Variants in SUSD6 observed in about 807,000 individuals in gnomAD.
The protein encoded by SUSD6 is sushi domain containing 6, also known as sushi domain-containing protein 6.
SUSD6 carries 16 observed loss-of-function variants against 28.4 expected under a neutral mutation model. That is an observed-to-expected ratio of 0.56 (90% CI 0.38 to 0.86). SUSD6 has a LOEUF of 0.86. Among genes scored for constraint, SUSD6 ranks in the 40% least tolerant of loss-of-function variants. SUSD6 has a pLI of 0.00. For synonymous variants in SUSD6, 147 were observed against 159.6 expected (o/e 0.92, Z 0.59); for missense variants, 341 against 384.2 (o/e 0.89, Z 0.94).
chr14:69,670,607 G>C, intron 2 of SUSD6: 3 of 439,448 alleles, frequency 6.8e-6, no homozygotes, highest in South Asian at 4.7e-5. Context: ...AGTTCTGCCA[G>C]TAGTGTGTAA....
intron 2 of SUSD6, among the ~76,000 whole-genome samples, chr14:69,678,024 G>A (rs1489341394): frequency 3.3e-5 from 5 of 152,112 alleles, no homozygotes; most frequent in Non-Finnish European, 7.3e-5. Context: ...CTAAGTTGAT[G>A]TGCATCATTC....
chr14:69,616,319 C>T (rs1001373762), intron 1 of SUSD6, among the ~76,000 whole-genome samples: 1 of 152,232 alleles, frequency 6.6e-6, no homozygotes. Flanking sequence ...GTCCAACCTA[C>T]TGCCAGCAGT....
intron 4 of SUSD6, among the ~76,000 whole-genome samples, chr14:69,705,282 C>T (rs111958890): frequency 0.01 from 1,519 of 151,344 alleles, 10 homozygotes; most frequent in African/African-American, 0.018. Flanking sequence ...CACACCACTG[C>T]GCTCCAGTCT....
rs74060219 is a variant in SUSD6, at chr14:69,615,262, C to T, written c.-81+3434C>T. 7.4e-3 allele frequency among the ~76,000 whole-genome samples: 1,133 copies of T among 152,282 alleles called. 18 individuals carry two copies. Among genetic ancestry groups the T allele is most frequent in the African/African-American group, 0.026 (1,072 of 41,534 alleles). ...CACGAGCTCCATAGTACTCAGGAAC[C>T]TTTGGGTGGACTGTCCTTGCGCGTC... On this transcript the variant is annotated intron_variant, in intron 1 of 5. Coordinates refer to ENST00000342745, the MANE Select transcript of SUSD6 (RefSeq NM_014734.4).
At chr14:69,671,562 A>T (rs1885832936) in intron 2 of SUSD6, among the ~76,000 whole-genome samples, 1 of 152,278 alleles carries the variant, frequency 6.6e-6, no homozygotes, top group East Asian at 1.9e-4. Context: ...TGGCGTCACA[A>T]ATTCCATGGG....
At chr14:69,699,812 C>T (rs764910009) in intron 2 of SUSD6, among the ~76,000 whole-genome samples, 5 of 151,798 alleles carry the variant, frequency 3.3e-5, no homozygotes, top group African/African-American at 1.2e-4. Context: ...AAGAGAAGAG[C>T]TCTCTGCACA....
chr14:69,660,205 C>G (rs1885642175), intron 2 of SUSD6, among the ~76,000 whole-genome samples: 1 of 152,214 alleles, frequency 6.6e-6, no homozygotes, highest in African/African-American at 2.4e-5. Context: ...CAGCTCCCAC[C>G]ACCCACTTAT....
At chr14:69,632,496 T>C (rs1017596090) in intron 1 of SUSD6, among the ~76,000 whole-genome samples, 1 of 152,084 alleles carries the variant, frequency 6.6e-6, no homozygotes, top group African/African-American at 2.4e-5. Flanking sequence ...CTTCCCAGAG[T>C]AAGAGCTGCC....
chr14:69,673,667 C>T (rs886483569), intron 2 of SUSD6, among the ~76,000 whole-genome samples: 5 of 152,262 alleles, frequency 3.3e-5, no homozygotes, highest in South Asian at 2.1e-4. Flanking sequence ...TGGTGAGCCC[C>T]GGGGCTGGAT....
chr14:69,641,229 G>C (rs955611045), intron 1 of SUSD6, among the ~76,000 whole-genome samples: 3 of 152,096 alleles, frequency 2.0e-5, no homozygotes, highest in African/African-American at 7.3e-5. Flanking sequence ...GATGTACCTT[G>C]TGTTTTCTTT....
chr14:69,623,641 T>TA (rs1885073897), intron 1 of SUSD6, among the ~76,000 whole-genome samples: 1 of 152,200 alleles, frequency 6.6e-6, no homozygotes, highest in African/African-American at 2.4e-5. Flanking sequence ...GAGGCATTGT[T>TA]ACAGGAAATA....
intron 1 of SUSD6, among the ~76,000 whole-genome samples, chr14:69,616,435 A>G (rs1884960537): frequency 6.6e-6 from 1 of 152,218 alleles, no homozygotes; most frequent in South Asian, 2.1e-4. Flanking sequence ...TCAGCTTCTG[A>G]CAAAGACAGT....
At chr14:69,639,211 C>T (rs1370162567) in intron 1 of SUSD6, among the ~76,000 whole-genome samples, 2 of 148,192 alleles carry the variant, frequency 1.3e-5, no homozygotes, top group East Asian at 2.0e-4. Context: ...ACCTGTAGTC[C>T]CAGCTACTCG....
At chr14:69,652,153 AATGG>A (rs1362999262) in intron 1 of SUSD6, among the ~76,000 whole-genome samples, 3 of 152,224 alleles carry the variant, frequency 2.0e-5, no homozygotes, top group Non-Finnish European at 4.4e-5. Context: ...TCTCTTAACT[AATGG>A]ACAGAGGAGC....
chr14:69,714,041 C>G lies in SUSD6; in HGVS notation c.*3062C>G, dbSNP rs1453752143. ...TTTTATGTGCTGTGTTCCCGTTTCA[C>G]TGGGTATGAACTGTGAAATCGACTG... On this transcript the variant is annotated 3_prime_UTR_variant, in exon 6 of 6. Coordinates refer to ENST00000342745, the MANE Select transcript of SUSD6 (RefSeq NM_014734.4). The G allele has an allele frequency of 1.3e-5, 2 of 152,130 alleles. No individual in the cohort carries two copies. Among genetic ancestry groups the G allele is most frequent in the Non-Finnish European group, 2.9e-5 (2 of 68,028 alleles). The allele number at this position is 152,130 out of a possible 1,614,324, so 9.4% of individuals were successfully genotyped here.
rs1168776339 is a variant in SUSD6 at position 69,658,708 on chromosome 14, C to G, written c.116C>G (p.Ala39Gly). Residue 39 changes from alanine to glycine, a missense_variant, in exon 2 of 6, where the codon GCT becomes GGT. Physicochemically the swap from Ala to Gly is moderately conservative, Grantham distance 60. Coordinates refer to ENST00000342745, the MANE Select transcript of SUSD6 (RefSeq NM_014734.4). Reference sequence around the variant, plus strand: ...TGCACCCTGCTTGGAGACGGACTTGCTTCCGGTAAGTCCTGACCTGCCTTC... The same window carrying G: ...TGCACCCTGCTTGGAGACGGACTTGGTTCCGGTAAGTCCTGACCTGCCTTC... ...ILCTLLGDGL[A>G]SVCPLPPEPE... 1 of 1,613,844 alleles carries G rather than the reference C, an allele frequency of 6.2e-7. No individual in the cohort carries two copies. The highest frequency in any genetic ancestry group is 8.5e-7 in the Non-Finnish European group (1 of 1,179,916).
At chr14:69,620,665 G>C (rs560942198) in intron 1 of SUSD6, among the ~76,000 whole-genome samples, 5 of 152,328 alleles carry the variant, frequency 3.3e-5, no homozygotes, top group African/African-American at 1.2e-4. Context: ...AGTATCGTTA[G>C]AGAGTTTCCC....
chr14:69,635,351 G>T (rs1417728655), intron 1 of SUSD6, among the ~76,000 whole-genome samples: 1 of 152,132 alleles, frequency 6.6e-6, no homozygotes, highest in Non-Finnish European at 1.5e-5. Context: ...TAGTACAATA[G>T]TTCCTCTGGA....
At chr14:69,630,003 G>A (rs1885170584) in intron 1 of SUSD6, among the ~76,000 whole-genome samples, 1 of 152,194 alleles carries the variant, frequency 6.6e-6, no homozygotes, top group Admixed American at 6.5e-5. Context: ...TGAATTGAGA[G>A]TGCTTCTAAA....
Sources: gnomAD v4.1 joint callset for allele counts (sites outside exome capture counted in the v4.1 genomes callset) on GRCh38, gnomAD v4.1.1 for gene constraint, MANE v1.5 for transcripts, NCBI Gene and HGNC (gene_info 2026-07-23, HGNC 2026-07-21) for gene names.